CDIP1: variants seen among roughly 807,000 people sequenced by gnomAD.
CDIP1 encodes cell death inducing p53 target 1, also known as cell death-inducing p53-target protein 1.
Under a neutral mutation model 17.7 loss-of-function variants are expected in CDIP1, and 9 were observed. That is an observed-to-expected ratio of 0.51 (90% CI 0.31 to 0.89). CDIP1 has a LOEUF of 0.89. Among genes scored for constraint, CDIP1 ranks in the 40% least tolerant of loss-of-function variants. The pLI is 0.05. For missense variants in CDIP1, 263 were observed against 277.9 expected (o/e 0.95, Z 0.38); for synonymous variants, 117 against 109.5 (o/e 1.07, Z -0.43).
chr16:4,522,727 G>C (rs933132209), intron 1 of CDIP1, among the ~76,000 whole-genome samples: 12 of 152,246 alleles, frequency 7.9e-5, no homozygotes, highest in African/African-American at 2.9e-4. Context: ...AAGCAAGCAG[G>C]AGCTCACGTG....
chr16:4,535,858 T>C (rs1177525562), intron 1 of CDIP1, among the ~76,000 whole-genome samples: 1 of 148,420 alleles, frequency 6.7e-6, no homozygotes, highest in Non-Finnish European at 1.5e-5. Context: ...CTTTACCACC[T>C]CCCACAGAGA....
chr16:4,534,360 T>A (rs2059084203), intron 1 of CDIP1, among the ~76,000 whole-genome samples: 1 of 152,198 alleles, frequency 6.6e-6, no homozygotes, highest in East Asian at 1.9e-4. Flanking sequence ...CACAGCCAAA[T>A]ATCCAGACAG....
chr16:4,526,699 CAA>C (rs533975953), intron 1 of CDIP1, among the ~76,000 whole-genome samples: 1 of 106,776 alleles, frequency 9.4e-6, no homozygotes. Flanking sequence ...GACTCCATCT[CAA>C]AAAAAAAAAG....
At chr16:4,518,871 G>C (rs2058915367) in intron 1 of CDIP1, among the ~76,000 whole-genome samples, 1 of 152,174 alleles carries the variant, frequency 6.6e-6, no homozygotes, top group African/African-American at 2.4e-5. Flanking sequence ...TGCAGCCCCA[G>C]CACCTCTGCT....
intron 1 of CDIP1, among the ~76,000 whole-genome samples, chr16:4,517,043 G>T (rs966947655): frequency 6.6e-6 from 1 of 152,088 alleles, no homozygotes; most frequent in African/African-American, 2.4e-5. Context: ...ATTTAGGCAA[G>T]GCCCTACTTG....
Position 4,512,781 on chromosome 16 carries a change from C to T in CDIP1, c.515+10G>A, listed in dbSNP as rs906580191. The T allele has an allele frequency of 1.3e-6, 2 of 1,588,806 alleles. No homozygotes were observed. The highest frequency in any genetic ancestry group is 1.7e-6 in the Non-Finnish European group (2 of 1,167,044). ...GCAGCCCCCACCCTACCAGTGCCCA[C>T]ACCACCTACCCCATGAAGCAACAGA... is the stretch of plus-strand genomic sequence containing the variant. On this transcript the variant is annotated intron_variant, in intron 5 of 5. Transcript: ENST00000567695. The surrounding 1 kb of genome is among the most constrained non-coding windows in gnomAD (Gnocchi z 4.6).
chr16:4,522,697 C>T (rs2058963426), intron 1 of CDIP1, among the ~76,000 whole-genome samples: 1 of 152,192 alleles, frequency 6.6e-6, no homozygotes, highest in South Asian at 2.1e-4. Context: ...AGGAAAAGGC[C>T]AAAGCAAGAA....
At chr16:4,531,905 T>A (rs1191267173) in intron 1 of CDIP1, among the ~76,000 whole-genome samples, 1 of 152,250 alleles carries the variant, frequency 6.6e-6, no homozygotes, top group Non-Finnish European at 1.5e-5. Flanking sequence ...AAAGCTGAAG[T>A]GGCAGTGCCC....
intron 1 of CDIP1, among the ~76,000 whole-genome samples, chr16:4,529,905 C>T (rs1297433769): frequency 6.6e-6 from 1 of 152,264 alleles, no homozygotes; most frequent in Non-Finnish European, 1.5e-5. Flanking sequence ...CGTCCTTAGC[C>T]AGGGAGCTGG....
At chr16:4,527,090 C>CTTTTTT (rs760461374) in intron 1 of CDIP1, among the ~76,000 whole-genome samples, 1 of 140,424 alleles carries the variant, frequency 7.1e-6, no homozygotes. Context: ...GACACTGTTA[C>CTTTTTT]TTTTTTTTTT....
intron 1 of CDIP1, chr16:4,522,371 C>G (rs2058959777): frequency 6.6e-6 from 1 of 152,310 alleles, no homozygotes; most frequent in South Asian, 2.1e-4. Flanking sequence ...AGACACATTT[C>G]TCAGAGCTGG....
intron 1 of CDIP1, among the ~76,000 whole-genome samples, chr16:4,535,871 G>C (rs900822427): frequency 2.3e-5 from 3 of 132,546 alleles, no homozygotes; most frequent in African/African-American, 9.5e-5. Flanking sequence ...CACAGAGACT[G>C]TGGCTTGGAG....
In CDIP1 at chr16:4,511,960, G is replaced by T. The variant is rs974597424; in HGVS notation, c.*612C>A. 16 of 156,878 alleles carry T rather than the reference G, an allele frequency of 1.0e-4. No individual in the cohort carries two copies. The highest frequency in any genetic ancestry group is 2.5e-4 in the Admixed American group (4 of 16,316). The allele number at this position is 156,878 out of a possible 1,614,324, so 9.7% of individuals were successfully genotyped here. A position where few individuals can be genotyped will look rare whatever the true frequency, so the allele number is the denominator to read the frequency against. ...GGCAGCTCTCGGGCACTGGGACAGG[G>T]TATTAGACATCCTGGGCTTCTATAC... On this transcript the variant is annotated 3_prime_UTR_variant, in exon 6 of 6. Coordinates refer to ENST00000567695, the MANE Select transcript of CDIP1 (RefSeq NM_013399.3).
At chr16:4,534,961 G>A (rs560021431) in intron 1 of CDIP1, among the ~76,000 whole-genome samples, 1 of 151,936 alleles carries the variant, frequency 6.6e-6, no homozygotes, top group Admixed American at 6.6e-5. Flanking sequence ...CAGGTGATCC[G>A]CCCCCGTTGG....
chr16:4,524,747 T>C (rs2058982775), intron 1 of CDIP1, among the ~76,000 whole-genome samples: 1 of 152,152 alleles, frequency 6.6e-6, no homozygotes, highest in Admixed American at 6.5e-5. Context: ...GTAATAAAAC[T>C]TGGTTTACTG....
intron 1 of CDIP1, among the ~76,000 whole-genome samples, chr16:4,537,653 G>C (rs1010188956): frequency 2.0e-5 from 3 of 152,258 alleles, no homozygotes; most frequent in African/African-American, 7.2e-5. Flanking sequence ...ACTAAATGCA[G>C]ATTCCTGGGC....
intron 1 of CDIP1, among the ~76,000 whole-genome samples, chr16:4,521,210 C>G (rs1170650027): frequency 6.6e-6 from 1 of 152,056 alleles, no homozygotes; most frequent in African/African-American, 2.4e-5. Context: ...CCGCACTGCT[C>G]CTACACCATC....
chr16:4,521,271 G>GT (rs1756275741), intron 1 of CDIP1, among the ~76,000 whole-genome samples: 1 of 151,826 alleles, frequency 6.6e-6, no homozygotes, highest in South Asian at 2.1e-4. Flanking sequence ...TCATGGCCGT[G>GT]TTATTATTAA....
chr16:4,520,546 CAT>C (rs2058935439), intron 1 of CDIP1, among the ~76,000 whole-genome samples: 1 of 152,166 alleles, frequency 6.6e-6, no homozygotes, highest in African/African-American at 2.4e-5. Flanking sequence ...TTCTTAACAT[CAT>C]GTGTGGGTCA....
Sources: gnomAD v4.1 joint callset for allele counts (sites outside exome capture counted in the v4.1 genomes callset) on GRCh38, gnomAD v4.1.1 for gene constraint, Gnocchi (gnomAD v3.1) non-coding constraint, MANE v1.5 for transcripts, NCBI Gene and HGNC (gene_info 2026-07-23, HGNC 2026-07-21) for gene names.